Variants in COL24A1 observed in about 807,000 individuals in gnomAD.
The protein encoded by COL24A1 is collagen type XXIV alpha 1 chain.
A neutral mutation model predicts 253.9 loss-of-function variants in COL24A1; 224 were observed. That is an observed-to-expected ratio of 0.88 (90% CI 0.79 to 0.99). The LOEUF is 0.99. COL24A1 is among the 50% of genes least tolerant of loss of function. COL24A1 has a pLI of 0.00. For missense variants in COL24A1, 2,131 were observed against 2,068.5 expected, an observed-to-expected ratio of 1.03 and a Z score of -0.59; for synonymous variants, 685 against 673.7, an observed-to-expected ratio of 1.02 and a Z score of -0.26.
intron 11 of COL24A1, among the ~76,000 whole-genome samples, chr1:86,048,133 CAAG>C (rs1700043271): frequency 6.6e-6 from 1 of 151,978 alleles, no homozygotes; most frequent in Non-Finnish European, 1.5e-5. Context: ...TAAATCTCAT[CAAG>C]AAGCCAAATA....
At chr1:86,082,853 A>G (rs1055510151) in intron 7 of COL24A1, among the ~76,000 whole-genome samples, 1 of 150,806 alleles carries the variant, frequency 6.6e-6, no homozygotes, top group Non-Finnish European at 1.5e-5. Flanking sequence ...GCATTATACC[A>G]CTTGAGACTC....
chr1:85,937,537 C>G (rs558465868), intron 24 of COL24A1, among the ~76,000 whole-genome samples: 1 of 147,618 alleles, frequency 6.8e-6, no homozygotes. Context: ...GATTTAATGA[C>G]TCAGAAAGCT....
At chr1:85,879,387 C>G (rs926674357) in intron 32 of COL24A1, among the ~76,000 whole-genome samples, 4 of 152,088 alleles carry the variant, frequency 2.6e-5, no homozygotes, top group African/African-American at 7.2e-5. Context: ...TCCTTTGTCA[C>G]AGATCACTTG....
At chr1:86,101,729 T>C (rs1281430954) in intron 5 of COL24A1, among the ~76,000 whole-genome samples, 1 of 152,242 alleles carries the variant, frequency 6.6e-6, no homozygotes. Context: ...ATGGCAGAGA[T>C]AAAGTCTGCT....
intron 43 of COL24A1, among the ~76,000 whole-genome samples, chr1:85,835,754 T>TG (rs894441167): frequency 3.3e-5 from 5 of 151,892 alleles, no homozygotes; most frequent in African/African-American, 7.3e-5. Context: ...GAATAGGGAG[T>TG]GACTGCCTAA....
chr1:86,153,379 C>G (rs1450852475), intron 1 of COL24A1, among the ~76,000 whole-genome samples: 1 of 151,890 alleles, frequency 6.6e-6, no homozygotes, highest in East Asian at 1.9e-4. Context: ...CACACTGGGC[C>G]CATAGTTGGA....
At position 86,088,148 on chromosome 1, in the gene COL24A1, T is replaced by C. The variant is rs913379688; in HGVS notation, c.1707+1026A>G. Reference sequence around the variant, plus strand: ...TCTCCCAAACTCCCTATGAAGTGGATAGTATTATCTTCACAATTTACAAAT... The same window carrying C: ...TCTCCCAAACTCCCTATGAAGTGGACAGTATTATCTTCACAATTTACAAAT... On this transcript the variant is annotated intron_variant, in intron 7 of 59. Transcript: ENST00000370571. 4.6e-5 allele frequency among the ~76,000 whole-genome samples: 7 copies of C among 152,272 alleles called. 1 individual carries two copies. In the Middle Eastern group the frequency reaches 0.017, roughly 370 times the overall value.
At chr1:86,102,017 T>C (rs1462553106) in intron 5 of COL24A1, among the ~76,000 whole-genome samples, 1 of 147,258 alleles carries the variant, frequency 6.8e-6, no homozygotes, top group East Asian at 2.0e-4. Context: ...GGTCCTGAGC[T>C]TTTTTTTTTA....
intron 5 of COL24A1, among the ~76,000 whole-genome samples, chr1:86,093,563 T>C (rs1703668431): frequency 6.6e-6 from 1 of 152,014 alleles, no homozygotes; most frequent in Non-Finnish European, 1.5e-5. Flanking sequence ...GCAATATGAT[T>C]TAGTACATAG....
chr1:86,069,913 C>T (rs1701751772), intron 7 of COL24A1, among the ~76,000 whole-genome samples: 1 of 152,118 alleles, frequency 6.6e-6, no homozygotes, highest in South Asian at 2.1e-4. Context: ...TCTTCAATGC[C>T]CAAACACCAA....
At chr1:85,971,077 G>A (rs1692117070) in intron 21 of COL24A1, among the ~76,000 whole-genome samples, 1 of 152,046 alleles carries the variant, frequency 6.6e-6, no homozygotes, top group Admixed American at 6.6e-5. Flanking sequence ...CAGGCATGGT[G>A]GTGCACCTGT....
intron 57 of COL24A1, among the ~76,000 whole-genome samples, chr1:85,742,892 T>C (rs941459928): frequency 2.0e-5 from 3 of 151,806 alleles, no homozygotes; most frequent in Non-Finnish European, 2.9e-5. Flanking sequence ...ACATGCTTAG[T>C]GTTCCAATAA....
rs533705303 is a variant in COL24A1, at chr1:86,106,643, AAATAG to A, written c.1599+5919_1599+5923del. Among the ~76,000 whole-genome samples, 359 of 152,334 alleles carry A rather than the reference AAATAG, an allele frequency of 2.4e-3. 1 individual carries two copies. Among genetic ancestry groups the A allele is most frequent in the African/African-American group, 8.1e-3 (336 of 41,580 alleles). The stretch of plus-strand genomic sequence containing the variant: ...TGAACATTCCCATCGCGCTGCAAAT[AAATAG>A]AATACAGTTCATTTAATAGATAAAT... On this transcript the variant is annotated intron_variant, in intron 5 of 59. Transcript: ENST00000370571.
chr1:86,047,078 A>G (rs1055784513), intron 11 of COL24A1, among the ~76,000 whole-genome samples: 2 of 152,344 alleles, frequency 1.3e-5, no homozygotes, highest in East Asian at 3.9e-4. Context: ...GCTTTTATTC[A>G]GGAATCTATC....
rs1468439910 is a variant in COL24A1 at position 86,125,564 on chromosome 1, T to C, written c.772A>G (p.Thr258Ala). ...TCCGGTATCTTTGTTGGTATGAGAG[T>C]TGTACAAGGAATGCTTGTTTCAGGT... ...YQPETSIPCT[T>A]LIPTKIPEHS... is the part of the protein sequence containing the mutation. Residue 258 changes from threonine to alanine, a missense_variant, in exon 3 of 60, where the codon ACT becomes GCT. Physicochemically the swap from Thr to Ala is moderately conservative, Grantham distance 58 (BLOSUM62 0). Coordinates refer to ENST00000370571, the MANE Select transcript of COL24A1 (RefSeq NM_152890.7). 1.2e-6 allele frequency: 2 copies of C among 1,613,398 alleles called. No homozygotes were observed. Among genetic ancestry groups the C allele is most frequent in the Non-Finnish European group, 1.7e-6 (2 of 1,179,758 alleles).
rs561914377 is a variant in COL24A1, at chr1:86,140,731, T to C, written c.121+5388A>G. Among the ~76,000 whole-genome samples, 158 of 152,310 alleles carry C rather than the reference T, an allele frequency of 1.0e-3. 1 individual carries two copies. The highest frequency in any genetic ancestry group is 3.4e-3 in the Middle Eastern group (1 of 294). On this transcript the variant is annotated intron_variant, in intron 2 of 59. Transcript: ENST00000370571. ...TGTTGTAGCTATGCCAACATCTCAC[T>C]GGCAGCCATCCCACCAACACAGACA... is the stretch of plus-strand genomic sequence containing the variant.
At position 85,841,297 on chromosome 1, in the gene COL24A1, T is replaced by A. The variant is rs1162986568; in HGVS notation, c.3571-19A>T. 3.2e-6 allele frequency: 5 copies of A among 1,558,226 alleles called. No homozygotes were observed. The highest frequency in any genetic ancestry group is 4.4e-6 in the Non-Finnish European group (5 of 1,143,140). On this transcript the variant is annotated intron_variant, in intron 41 of 59. Coordinates refer to ENST00000370571, the MANE Select transcript of COL24A1 (RefSeq NM_152890.7). The stretch of plus-strand genomic sequence containing the variant: ...GGTAGCCCTAAAATGAAATAATGAT[T>A]TATAAACAAAACTCAATAAATAAAA...
chr1:85,858,465 C>T (rs1222268901), intron 37 of COL24A1, among the ~76,000 whole-genome samples: 2 of 152,096 alleles, frequency 1.3e-5, no homozygotes, highest in African/African-American at 4.8e-5. Context: ...ATTTAGAAAT[C>T]TCTTTTCCTC....
At chr1:86,101,850 T>C (rs1487941488) in intron 5 of COL24A1, among the ~76,000 whole-genome samples, 1 of 152,134 alleles carries the variant, frequency 6.6e-6, no homozygotes, top group Admixed American at 6.5e-5. Context: ...AGTTTTCTTT[T>C]CTTGTACCTC....
Sources: allele counts gnomAD v4.1 joint callset (sites outside exome capture counted in the v4.1 genomes callset), GRCh38; gene constraint gnomAD v4.1.1; transcripts MANE v1.5; gene names NCBI Gene and HGNC (gene_info 2026-07-23, HGNC 2026-07-21).